The following KCNQ3 variants were observed in gnomAD, a reference collection of about 807,000 sequenced individuals.
The protein encoded by KCNQ3 is potassium voltage-gated channel subfamily KQT member 3.
A neutral mutation model predicts 92.5 loss-of-function variants in KCNQ3; 30 were observed. The ratio of observed to expected loss-of-function variants is 0.32; its 90% confidence interval spans 0.24 to 0.44. The LOEUF is 0.44. Among genes scored for constraint, KCNQ3 ranks in the 20% least tolerant of loss-of-function variants. The pLI is 1.00. For synonymous variants in KCNQ3, 450 were observed against 468.8 expected (o/e 0.96, Z 0.52); for missense variants, 913 against 1,140.3 (o/e 0.80, Z 2.87).
chr8:132,310,625 G>A (rs1206399346), intron 1 of KCNQ3, among the ~76,000 whole-genome samples: 1 of 152,124 alleles, frequency 6.6e-6, no homozygotes, highest in Non-Finnish European at 1.5e-5. Context: ...TGTGGGCCTG[G>A]GCACCACAGG....
intron 1 of KCNQ3, among the ~76,000 whole-genome samples, chr8:132,352,510 G>T (rs752904504): frequency 9.9e-5 from 15 of 152,116 alleles, no homozygotes; most frequent in Non-Finnish European, 1.2e-4. Context: ...GAAACTCACT[G>T]CCCCGAGCTG....
intron 1 of KCNQ3, among the ~76,000 whole-genome samples, chr8:132,340,924 T>C (rs887540387): frequency 2.0e-5 from 3 of 152,246 alleles, no homozygotes; most frequent in Non-Finnish European, 4.4e-5. Context: ...AGTTCTCTGA[T>C]ATAGTTGTCA....
At chr8:132,441,571 A>AAAAAC (rs767310898) in intron 1 of KCNQ3, among the ~76,000 whole-genome samples, 2 of 135,682 alleles carry the variant, frequency 1.5e-5, no homozygotes, top group South Asian at 4.8e-4. Context: ...ACAAAAATCA[A>AAAAAC]AAAACAAAAC....
intron 1 of KCNQ3, among the ~76,000 whole-genome samples, chr8:132,365,087 C>T (rs947138781): frequency 1.3e-5 from 2 of 152,146 alleles, no homozygotes; most frequent in African/African-American, 4.8e-5. Context: ...TTACATTTTG[C>T]CTGTGCTGTT....
intron 1 of KCNQ3, among the ~76,000 whole-genome samples, chr8:132,208,020 T>G (rs1038544603): frequency 7.9e-5 from 12 of 151,456 alleles, no homozygotes; most frequent in Non-Finnish European, 1.3e-4. Flanking sequence ...ACAATAGCCA[T>G]GATGGCTGAT....
At chr8:132,157,957 C>T (rs749646086) in intron 9 of KCNQ3, among the ~76,000 whole-genome samples, 2 of 152,104 alleles carry the variant, frequency 1.3e-5, no homozygotes, top group Non-Finnish European at 1.5e-5. Flanking sequence ...AATCCTTTGA[C>T]TTCTAGGTAT....
At chr8:132,419,031 A>C (rs1820895424) in intron 1 of KCNQ3, among the ~76,000 whole-genome samples, 1 of 152,216 alleles carries the variant, frequency 6.6e-6, no homozygotes, top group South Asian at 2.1e-4. Context: ...CAAAGATGTA[A>C]GTGATCTCCA....
At chr8:132,320,579 C>T (rs1353573564) in intron 1 of KCNQ3, among the ~76,000 whole-genome samples, 3 of 152,100 alleles carry the variant, frequency 2.0e-5, no homozygotes, top group Non-Finnish European at 4.4e-5. Context: ...CTTCCTGTCC[C>T]TATTACCCCA....
At chr8:132,296,756 A>G (rs965848914) in intron 1 of KCNQ3, among the ~76,000 whole-genome samples, 2 of 152,124 alleles carry the variant, frequency 1.3e-5, no homozygotes, top group Non-Finnish European at 2.9e-5. Flanking sequence ...TCCATGGTGT[A>G]TATGTGCCAC....
At chr8:132,201,049 C>T (rs2130257661) in intron 1 of KCNQ3, among the ~76,000 whole-genome samples, 1 of 152,260 alleles carries the variant, frequency 6.6e-6, no homozygotes, top group East Asian at 1.9e-4. Context: ...AGCAGGTGAG[C>T]AAGAGAGTAA....
intron 1 of KCNQ3, among the ~76,000 whole-genome samples, chr8:132,442,666 C>T (rs1317535949): frequency 6.6e-6 from 1 of 152,190 alleles, no homozygotes; most frequent in East Asian, 1.9e-4. Context: ...GCCGCATGAG[C>T]TCCTACCCGG....
At chr8:132,276,209 A>AC (rs1563836465) in intron 1 of KCNQ3, among the ~76,000 whole-genome samples, 1 of 152,132 alleles carries the variant, frequency 6.6e-6, no homozygotes, top group African/African-American at 2.4e-5. Context: ...CATTTATTGT[A>AC]CCCCCAACGC....
At chr8:132,434,385 C>T (rs139420124) in intron 1 of KCNQ3, among the ~76,000 whole-genome samples, 127 of 152,254 alleles carry the variant, frequency 8.3e-4, no homozygotes, top group African/African-American at 3.0e-3. Flanking sequence ...CTATCACCTG[C>T]CTGCCACTCC....
intron 1 of KCNQ3, among the ~76,000 whole-genome samples, chr8:132,470,403 AAT>A (rs1413545279): frequency 6.6e-6 from 1 of 152,244 alleles, no homozygotes; most frequent in Non-Finnish European, 1.5e-5. Flanking sequence ...ACCAATTGTT[AAT>A]ATGTTTGCCA....
chr8:132,470,911 G>T (rs1822285950), intron 1 of KCNQ3, among the ~76,000 whole-genome samples: 1 of 152,152 alleles, frequency 6.6e-6, no homozygotes, highest in African/African-American at 2.4e-5. Context: ...ATTTCTTTAT[G>T]ATTAGGTTCA....
At chr8:132,377,751 G>C (rs1032389931) in intron 1 of KCNQ3, among the ~76,000 whole-genome samples, 6 of 152,204 alleles carry the variant, frequency 3.9e-5, no homozygotes, top group Non-Finnish European at 7.3e-5. Context: ...CTTGGAGCCA[G>C]AGTAATATCG....
intron 1 of KCNQ3, among the ~76,000 whole-genome samples, chr8:132,272,100 A>G (rs1816166251): frequency 6.6e-6 from 1 of 152,220 alleles, no homozygotes; most frequent in Admixed American, 6.5e-5. Flanking sequence ...TACTACGTCT[A>G]GGTAACTACT....
At chr8:132,423,480 C>A (rs1246992043) in intron 1 of KCNQ3, among the ~76,000 whole-genome samples, 1 of 152,208 alleles carries the variant, frequency 6.6e-6, no homozygotes, top group African/African-American at 2.4e-5. Context: ...TCAAGCCAGA[C>A]TCCTGGTTTG....
intron 14 of KCNQ3, 91 bp downstream of exon 14, chr8:132,132,089 A>T: frequency 3.4e-6 from 3 of 879,604 alleles, no homozygotes; most frequent in Non-Finnish European, 5.4e-6. Context: ...CTTCGTCTTA[A>T]AAAAAAAAAA....
Sources: allele counts gnomAD v4.1 joint callset (sites outside exome capture counted in the v4.1 genomes callset), GRCh38; gene constraint gnomAD v4.1.1; transcripts MANE v1.5; gene names NCBI Gene and HGNC (gene_info 2026-07-23, HGNC 2026-07-21).